Variants in MYH6 observed in about 807,000 individuals in gnomAD.
The protein encoded by MYH6 is myosin-6.
MYH6 carries 126 observed loss-of-function variants against 223.2 expected under a neutral mutation model. The ratio of observed to expected loss-of-function variants is 0.56; its 90% CI spans 0.49 to 0.65. The LOEUF (loss-of-function observed/expected upper bound fraction) is 0.65, where lower values mean the gene tolerates loss of function less well. Ranked by LOEUF, MYH6 falls within the 30% of genes least tolerant of loss-of-function variation. The pLI is 0.00. For synonymous variants in MYH6, 978 were observed against 1,010.2 expected (o/e 0.97, Z 0.61); for missense variants, 2,040 against 2,536.4 (o/e 0.80, Z 4.20).
chr14:23,394,484 A>C (rs958266761), intron 20 of MYH6, among the ~76,000 whole-genome samples, 161 bp from the exon 21 acceptor site: 3 of 152,202 alleles, frequency 2.0e-5, no homozygotes, highest in Non-Finnish European at 4.4e-5. Flanking sequence ...AATATTTATT[A>C]ATCAATTTGA....
At chr14:23,398,022 T>TTCC (rs1891481928) in intron 15 of MYH6, among the ~76,000 whole-genome samples, 1 of 137,672 alleles carries the variant, frequency 7.3e-6, no homozygotes, top group Non-Finnish European at 1.6e-5. Context: ...CTTCTTCTTC[T>TTCC]TCCTTCTATT....
intron 12 of MYH6, among the ~76,000 whole-genome samples, chr14:23,401,456 C>G (rs1456257660): frequency 6.6e-6 from 1 of 152,238 alleles, no homozygotes; most frequent in African/African-American, 2.4e-5. Flanking sequence ...CCAACGTGTG[C>G]CTGAGTCAGG....
intron 32 of MYH6, among the ~76,000 whole-genome samples, chr14:23,387,163 G>T (rs1891053735): frequency 6.6e-6 from 1 of 152,212 alleles, no homozygotes; most frequent in African/African-American, 2.4e-5. Flanking sequence ...CTGAGGCAGA[G>T]AGAGATTAAA....
rs1417804402 is a variant in MYH6 at position 23,386,423 on chromosome 14, C to T, written c.4851G>A (p.Lys1617=). Residue 1617 remains lysine (K), a synonymous_variant, in exon 33 of 39, where the codon AAG becomes AAA. Coordinates refer to ENST00000405093, the MANE Select transcript of MYH6 (RefSeq NM_002471.4). ...TRSRNEVLRV[K]KKMEGDLNEM... ...CATTGAGGTCTCCTTCCATCTTCTT[C>T]TTCACCCTCAGGACCTCGTTGCGGC... The T allele has an allele frequency of 1.2e-6, 2 of 1,614,112 alleles. No homozygotes were observed. Among genetic ancestry groups the T allele is most frequent in the East Asian group, 4.5e-5 (2 of 44,894 alleles).
In MYH6 at chr14:23,388,229, C is replaced by T; in HGVS notation, c.4285G>A (p.Asp1429Asn). 3.1e-6 allele frequency: 5 copies of T among 1,612,646 alleles called. No individual in the cohort carries two copies. Among genetic ancestry groups the T allele is most frequent in the Non-Finnish European group, 3.4e-6 (4 of 1,180,030 alleles). The stretch of plus-strand genomic sequence containing the variant: ...GAGCGCTCTACGTCCACCATCAAGT[C>T]CTCTATCTCATTCTGTAGCCGGTGC... Reference protein sequence around the residue: ...TKHRLQNEIEDLMVDVERSNA... With the variant: ...TKHRLQNEIENLMVDVERSNA... Residue 1429 changes from aspartate to asparagine, a missense_variant, in exon 30 of 39, where the codon GAC becomes AAC. Asp to Asn is a conservative substitution (Grantham distance 23). Around this residue, in one of 4 missense-constraint regions of MYH6, gnomAD observed 1,203 missense variants for 1,400.2 expected, o/e 0.86. Coordinates refer to ENST00000405093, the MANE Select transcript of MYH6 (RefSeq NM_002471.4).
In MYH6 at chr14:23,386,637, G is replaced by A. The variant is rs902807471; in HGVS notation, c.4651-14C>T. On this transcript the variant is annotated splice_polypyrimidine_tract_variant and intron_variant, in intron 32 of 38. Transcript: ENST00000405093. Reference sequence around the variant, plus strand: ...CTCCAGGGAGGCCTGGGAAGGGGTGGGGCGAGGGCGGGCAGACAGGGCACA... The same window carrying A: ...CTCCAGGGAGGCCTGGGAAGGGGTGAGGCGAGGGCGGGCAGACAGGGCACA... 1.3e-6 allele frequency: 2 copies of A among 1,590,402 alleles called. No individual in the cohort carries two copies. The highest frequency in any genetic ancestry group is 4.5e-5 in the East Asian group (2 of 44,698).
rs150277296 is a variant in MYH6 at position 23,382,488 on chromosome 14, C to T, written c.5736G>A (p.Ala1912=). Residue 1912 remains alanine, a synonymous_variant, in exon 38 of 39, where the codon GCG becomes GCA. Transcript: ENST00000405093. ...QHELDEAEER[A]DIAESQVNKL... The stretch of plus-strand genomic sequence containing the variant: ...TGTTGACCTGGGACTCAGCGATGTC[C>T]GCCCGCTCCTCTGCCTCATCCAGCT... 4.4e-5 allele frequency: 71 copies of T among 1,614,034 alleles called. 2 individuals are homozygous for T. In the South Asian group the frequency reaches 4.7e-4, roughly 11 times the overall value.
chr14:23,404,412 G>A, intron 7 of MYH6, 24 bp from the exon 8 acceptor site: 1 of 1,612,454 alleles, frequency 6.2e-7, no homozygotes, highest in Non-Finnish European at 8.5e-7. Context: ...AGAACTGCAT[G>A]GGTTCATCCT....
intron 37 of MYH6, 82 bp downstream of exon 37, chr14:23,383,143 A>G: frequency 8.1e-7 from 1 of 1,236,990 alleles, no homozygotes; most frequent in Non-Finnish European, 1.2e-6. Context: ...CTCTTTGTCC[A>G]GGCCCCTCTG....
At chr14:23,385,853 G>A (rs1891001341) in intron 34 of MYH6, 75 bp downstream of exon 34, 4 of 1,604,674 alleles carry the variant, frequency 2.5e-6, no homozygotes, top group Non-Finnish European at 2.6e-6. Context: ...TGCTCACTTA[G>A]AACATCTGGC....
chr14:23,396,828 A>T lies in MYH6; in HGVS notation c.2169-11T>A. On this transcript the variant is annotated splice_polypyrimidine_tract_variant and intron_variant, in intron 18 of 38. Coordinates refer to ENST00000405093, the MANE Select transcript of MYH6 (RefSeq NM_002471.4). Reference sequence around the variant, plus strand: ...TTCAGGATGCGATACCTGAGGAGGGAAGTGTCCAGAGTCACCCATGCTCTG... The same window carrying T: ...TTCAGGATGCGATACCTGAGGAGGGTAGTGTCCAGAGTCACCCATGCTCTG... 6.2e-7 allele frequency: 1 copy of T among 1,613,944 alleles called. No homozygotes were observed. The highest frequency in any genetic ancestry group is 8.5e-7 in the Non-Finnish European group (1 of 1,179,866).
At chr14:23,388,044 C>T in intron 30 of MYH6, 111 bp downstream of exon 30, 1 of 1,607,880 alleles carries the variant, frequency 6.2e-7, no homozygotes, top group African/African-American at 1.3e-5. Context: ...GGTCCCGAGC[C>T]TGGGCTTAGC....
intron 26 of MYH6, 144 bp from the exon 27 acceptor site, chr14:23,389,863 A>G: frequency 6.5e-7 from 1 of 1,527,872 alleles, no homozygotes; most frequent in Non-Finnish European, 9.0e-7. Flanking sequence ...GAGAGACTTG[A>G]ATTAAAGAAA....
At chr14:23,382,595 C>T in intron 37 of MYH6, 33 bp from the exon 38 acceptor site, 1 of 1,614,156 alleles carries the variant, frequency 6.2e-7, no homozygotes, top group Non-Finnish European at 8.5e-7. Context: ...GGTGAATGAG[C>T]TGGAGATGGG....
intron 28 of MYH6, 130 bp from the exon 29 acceptor site, chr14:23,389,185 G>T: frequency 8.1e-7 from 1 of 1,232,762 alleles, no homozygotes; most frequent in Non-Finnish European, 1.1e-6. Context: ...GCACCTCACT[G>T]TTTGAGGAGT....
In MYH6 at chr14:23,388,895, T is replaced by C; in HGVS notation, c.4139A>G (p.Asp1380Gly). ...GAGCTCCTCAGTCCGCTGAATGGCG[T>C]CCGTCTCATACTTGGTCCTCCACTG... ...VAQWRTKYETDAIQRTEELEE... is the reference protein window; with the variant it reads ...VAQWRTKYETGAIQRTEELEE... Residue 1380 changes from aspartate to glycine, a missense_variant, in exon 29 of 39, where the codon GAC (aspartate) becomes GGC (glycine). Physicochemically the swap from Asp to Gly is moderately conservative, Grantham distance 94. Transcript: ENST00000405093. 1 of 1,613,780 alleles carries C rather than the reference T, an allele frequency of 6.2e-7. No homozygotes were observed. The highest frequency in any genetic ancestry group is 8.5e-7 in the Non-Finnish European group (1 of 1,180,046).
Position 23,385,002 on chromosome 14 carries a change from C to A in MYH6, c.5203G>T (p.Asp1735Tyr). ...LINQKKKMES[D>Y]LTQLQSEVEE... Reference sequence around the variant, plus strand: ...ACTTCCGACTGGAGCTGGGTCAGATCCGACTCCATCTTCTTCTTCTGGTTG... The same window carrying A: ...ACTTCCGACTGGAGCTGGGTCAGATACGACTCCATCTTCTTCTTCTGGTTG... The change falls in exon 35 of 39, where the codon GAT (aspartate) becomes TAT (tyrosine). Residue 1735 changes from aspartate (D) to tyrosine (Y), a missense_variant. This residue lies in a region of MYH6 where 1,203 missense variants were observed against 1,400.2 expected (regional missense o/e 0.86). Transcript: ENST00000405093. 1 of 1,614,242 alleles carries A rather than the reference C, an allele frequency of 6.2e-7. No individual in the cohort carries two copies. The highest frequency in any genetic ancestry group is 8.5e-7 in the Non-Finnish European group (1 of 1,180,050).
rs377109349 is a variant in MYH6, at chr14:23,397,628, G to A, written c.1892-15C>T. The A allele has an allele frequency of 1.2e-5, 20 of 1,613,728 alleles. No individual in the cohort carries two copies. Among genetic ancestry groups the A allele is most frequent in the African/African-American group, 1.1e-4 (8 of 75,040 alleles). On this transcript the variant is annotated splice_polypyrimidine_tract_variant and intron_variant, in intron 15 of 38. Transcript: ENST00000405093. ...ACCACTGTCCCCTAAACAGCGAGAGGAGAAATAATCAACAGGAGCTGGAAA... is the reference window on the plus strand; with the variant it reads ...ACCACTGTCCCCTAAACAGCGAGAGAAGAAATAATCAACAGGAGCTGGAAA...
In MYH6 at chr14:23,384,544, C is replaced by T; in HGVS notation, c.5463G>A (p.Val1821=). 6.2e-7 allele frequency: 1 copy of T among 1,613,512 alleles called. No individual in the cohort carries two copies. The highest frequency in any genetic ancestry group is 8.5e-7 in the Non-Finnish European group (1 of 1,180,044). ...CCTCCAGCTCACCCTCCAGCTCCCG[C>T]ACCCGCGCTTCCAGCTTCTGCAGCT... is the stretch of plus-strand genomic sequence containing the variant. The part of the protein sequence containing the change: ...KKQLQKLEAR[V]RELEGELEAE... Residue 1821 remains valine (V), a synonymous_variant, in exon 36 of 39, where the codon GTG becomes GTA. Coordinates refer to ENST00000405093, the MANE Select transcript of MYH6 (RefSeq NM_002471.4).
Sources: gnomAD v4.1 joint callset for allele counts (sites outside exome capture counted in the v4.1 genomes callset) on GRCh38, gnomAD v4.1.1 for gene constraint, gnomAD v4.1.1 regional missense constraint, MANE v1.5 for transcripts, NCBI Gene and HGNC (gene_info 2026-07-23, HGNC 2026-07-21) for gene names.